The following PATJ variants were observed in gnomAD, a reference collection of about 807,000 sequenced individuals.
The protein encoded by PATJ is inaD-like protein.
PATJ carries 190 observed loss-of-function variants against 224.9 expected under a neutral mutation model. The observed-to-expected ratio is 0.84, with a 90% CI of 0.75 to 0.95. The LOEUF is 0.95. Among genes scored for constraint, PATJ ranks in the 40% least tolerant of loss-of-function variants. The probability of loss-of-function intolerance (pLI) is 0.00; values close to 1 mark genes in which losing one functional copy is unlikely to be tolerated. For synonymous variants in PATJ, 769 were observed against 820.3 expected, an observed-to-expected ratio of 0.94 and a Z score of 1.07; for missense variants, 2,121 against 2,270.3, an observed-to-expected ratio of 0.93 and a Z score of 1.34.
At chr1:61,751,905 G>A (rs978690780) in intron 1 of PATJ, among the ~76,000 whole-genome samples, 6 of 152,024 alleles carry the variant, frequency 3.9e-5, no homozygotes, top group African/African-American at 7.2e-5. Flanking sequence ...TTGGGAGGCC[G>A]AGGCGGGTGG....
intron 9 of PATJ, among the ~76,000 whole-genome samples, chr1:61,793,796 A>G (rs1650409180): frequency 6.6e-6 from 1 of 152,120 alleles, no homozygotes; most frequent in African/African-American, 2.4e-5. Flanking sequence ...ATTGAAGTCA[A>G]AAAATAAATT....
intron 27 of PATJ, among the ~76,000 whole-genome samples, chr1:61,959,425 ATTTTT>A (rs377016305): frequency 1.6e-5 from 1 of 61,152 alleles, no homozygotes; most frequent in Non-Finnish European, 3.1e-5. Context: ...TATATAATAT[ATTTTT>A]TTTCTTTTCT....
chr1:62,145,654 T>G (rs1363996200), intron 41 of PATJ, among the ~76,000 whole-genome samples: 2 of 151,552 alleles, frequency 1.3e-5, no homozygotes, highest in African/African-American at 4.9e-5. Flanking sequence ...AGCAAGTCCC[T>G]GTCTCAAAAA....
chr1:62,153,359 A>T lies in PATJ; in HGVS notation c.5380A>T (p.Thr1794Ser), dbSNP rs933849303. 6 of 1,231,320 alleles carry T rather than the reference A, an allele frequency of 4.9e-6. No individual in the cohort carries two copies. The highest frequency in any genetic ancestry group is 1.6e-5 in the African/African-American group (1 of 64,414). The allele number at this position is 1,231,320 out of a possible 1,614,324, so 76.3% of individuals were successfully genotyped here. A position where few individuals can be genotyped will look rare whatever the true frequency, so the allele number is the denominator to read the frequency against. The change falls in exon 43 of 44, where the codon ACA (threonine) becomes TCA (serine). Residue 1794 changes from threonine to serine, a missense_variant and splice_region_variant. By Grantham distance (58) the Thr-to-Ser change is moderately conservative (BLOSUM62 1). Coordinates refer to ENST00000642238, the MANE Select transcript of PATJ (RefSeq NM_001350145.3). ...TAEHHPEDTE[T>S]PPPKIITLEK... ...AAACAGCATGCATTGTGTTTTCAGA[A>T]CACCTCCACCTAAGATTATTACTTT...
intron 21 of PATJ, among the ~76,000 whole-genome samples, chr1:61,877,987 A>G (rs1223051792): frequency 6.6e-6 from 1 of 152,186 alleles, no homozygotes; most frequent in Non-Finnish European, 1.5e-5. Flanking sequence ...GTGACAGGTT[A>G]GAAATGTGTG....
rs564987578 is a variant in PATJ at position 61,817,178 on chromosome 1, A to C, written c.1684-5767A>C. Among the ~76,000 whole-genome samples, 6 of 152,340 alleles carry C rather than the reference A, an allele frequency of 3.9e-5. No homozygotes were observed. In the South Asian group the frequency reaches 1.2e-3, roughly 32 times the overall value. On this transcript the variant is annotated intron_variant, in intron 14 of 43. Coordinates refer to ENST00000642238, the MANE Select transcript of PATJ (RefSeq NM_001350145.3). ...TGAACATAGGTAGGGGGAGAAAGCC[A>C]AATGCAAAGTGTTAGTTCAAGTATC...
chr1:62,031,506 G>T (rs1649286462), intron 29 of PATJ, among the ~76,000 whole-genome samples: 1 of 152,146 alleles, frequency 6.6e-6, no homozygotes, highest in Non-Finnish European at 1.5e-5. Flanking sequence ...TTAATACAGT[G>T]AGCAGACTTA....
At chr1:61,840,700 A>G (rs1660950512) in intron 17 of PATJ, among the ~76,000 whole-genome samples, 1 of 152,012 alleles carries the variant, frequency 6.6e-6, no homozygotes, top group African/African-American at 2.4e-5. Context: ...ATTTTAAGTA[A>G]GGCTTTAGTG....
intron 41 of PATJ, among the ~76,000 whole-genome samples, chr1:62,144,658 T>C (rs76354690): frequency 0.18 from 26,827 of 151,324 alleles, 3,171 homozygotes; most frequent in Non-Finnish European, 0.27. Context: ...AACTCACATA[T>C]GGCATTGATA....
Position 62,029,580 on chromosome 1 carries a change from A to C in PATJ, c.3960-8397A>C, listed in dbSNP as rs527839875. 2.0e-5 allele frequency among the ~76,000 whole-genome samples: 3 copies of C among 152,352 alleles called. No individual in the cohort carries two copies. In the South Asian group the frequency reaches 6.2e-4, roughly 32 times the overall value. On this transcript the variant is annotated intron_variant, in intron 29 of 43. Transcript: ENST00000642238. ...AAGAATAAATATATAATGTTATATC[A>C]ACAAAGTGCTGTATATGACATATAT... is the stretch of plus-strand genomic sequence containing the variant.
rs191689064 is a variant in PATJ at position 62,158,298 on chromosome 1, C to T, written c.5503-2610C>T. Among the ~76,000 whole-genome samples, 54 of 149,470 alleles carry T rather than the reference C, an allele frequency of 3.6e-4. 4 individuals carry two copies. The highest frequency in any genetic ancestry group is 8.7e-4 in the African/African-American group (36 of 41,368). ...TACATATCAGTAAGTGCTCATCAAC[C>T]AAGCACTGCAACACTGGAAGAAGTC... On this transcript the variant is annotated intron_variant, in intron 43 of 43. Transcript: ENST00000642238.
intron 24 of PATJ, among the ~76,000 whole-genome samples, chr1:61,904,151 C>A (rs1671564107): frequency 2.6e-5 from 4 of 152,050 alleles, no homozygotes; most frequent in Admixed American, 2.6e-4. Flanking sequence ...TAAGCAACAT[C>A]CAACTAAATT....
At chr1:61,942,922 A>G (rs1444575696) in intron 27 of PATJ, among the ~76,000 whole-genome samples, 1 of 152,208 alleles carries the variant, frequency 6.6e-6, no homozygotes, top group Non-Finnish European at 1.5e-5. Flanking sequence ...ATATACCCAA[A>G]TGAAATGACA....
At chr1:61,861,304 T>C (rs1254938256) in intron 18 of PATJ, among the ~76,000 whole-genome samples, 2 of 135,460 alleles carry the variant, frequency 1.5e-5, no homozygotes, top group Non-Finnish European at 3.2e-5. Context: ...TTTTTTTTTT[T>C]TTTACGTGAA....
chr1:61,909,346 G>C (rs550415702), intron 25 of PATJ, among the ~76,000 whole-genome samples: 1 of 152,320 alleles, frequency 6.6e-6, no homozygotes, highest in East Asian at 1.9e-4. Context: ...TGAAATGTCA[G>C]TGGCAGGATG....
intron 15 of PATJ, among the ~76,000 whole-genome samples, chr1:61,825,517 G>T (rs1304923381): frequency 1.3e-5 from 2 of 152,162 alleles, no homozygotes; most frequent in African/African-American, 4.8e-5. Context: ...GTGTGTGTGT[G>T]TGTGTTTAAT....
chr1:61,810,030 A>T (rs1183361338), intron 14 of PATJ, among the ~76,000 whole-genome samples: 7 of 151,276 alleles, frequency 4.6e-5, no homozygotes, highest in African/African-American at 1.7e-4. Context: ...TTCTTTTTTA[A>T]GTAGAGATGG....
intron 43 of PATJ, among the ~76,000 whole-genome samples, chr1:62,157,552 G>T (rs904971648): frequency 1.4e-5 from 2 of 148,060 alleles, no homozygotes; most frequent in Non-Finnish European, 3.0e-5. Flanking sequence ...CAAGCCAGGA[G>T]GGGGATGATG....
At chr1:61,916,494 G>A (rs1673470169) in intron 26 of PATJ, among the ~76,000 whole-genome samples, 1 of 151,976 alleles carries the variant, frequency 6.6e-6, no homozygotes, top group South Asian at 2.1e-4. Flanking sequence ...CTCCAGTACT[G>A]TGTTTAGTAG....
Sources: gnomAD v4.1 joint callset for allele counts (sites outside exome capture counted in the v4.1 genomes callset) on GRCh38, gnomAD v4.1.1 for gene constraint, MANE v1.5 for transcripts, NCBI Gene and HGNC (gene_info 2026-07-23, HGNC 2026-07-21) for gene names.